Variants in NFATC3 observed in about 807,000 individuals in gnomAD.
The protein encoded by NFATC3 is nuclear factor of activated T-cells, cytoplasmic 3.
A neutral mutation model predicts 98.6 loss-of-function variants in NFATC3; 46 were observed. The ratio of observed to expected loss-of-function variants is 0.47; its 90% confidence interval spans 0.37 to 0.60. The LOEUF is 0.60. Ranked by LOEUF, NFATC3 falls within the 20% of genes least tolerant of loss-of-function variation. The pLI is 0.00. For missense variants in NFATC3, 1,256 were observed against 1,295.5 expected (o/e 0.97, Z 0.47); for synonymous variants, 512 against 472.2 (o/e 1.08, Z -1.09).
At position 68,125,114 on chromosome 16, in the gene NFATC3, A is replaced by T. The variant is rs186198628; in HGVS notation, c.1239-1334A>T. The stretch of plus-strand genomic sequence containing the variant: ...AATTATGGTAATGAAGACACCTTTG[A>T]ACCCATCCCTTTGCTTCTGAAATTT... On this transcript the variant is annotated intron_variant, in intron 2 of 9. Transcript: ENST00000346183. Among the ~76,000 whole-genome samples the T allele has an allele frequency of 7.9e-5, 12 of 152,368 alleles. No individual in the cohort carries two copies. The East Asian group carries it at 2.3e-3, about 29-fold the overall frequency.
At chr16:68,213,087 C>T (rs2041483664) in intron 9 of NFATC3, among the ~76,000 whole-genome samples, 1 of 150,248 alleles carries the variant, frequency 6.7e-6, no homozygotes, top group Non-Finnish European at 1.5e-5. Context: ...GTGTGAGCCA[C>T]CATGCCCGGC....
At position 68,191,624 on chromosome 16, in the gene NFATC3, T is replaced by G. The variant is rs2040415565; in HGVS notation, c.2955T>G (p.Gly985=). The G allele has an allele frequency of 1.2e-6, 2 of 1,613,530 alleles. No homozygotes were observed. The highest frequency in any genetic ancestry group is 4.5e-5 in the East Asian group (2 of 44,844). The change falls in exon 9 of 10, where the codon GGT becomes GGG. Residue 985 remains glycine, a synonymous_variant. Transcript: ENST00000346183. ...AAGCACAAAGTACGGGCCAGGGGGGTCTTTCTGCACCTTCATCCTTAATAT... is the reference window on the plus strand; with the variant it reads ...AAGCACAAAGTACGGGCCAGGGGGGGCTTTCTGCACCTTCATCCTTAATAT... ...STQAQSTGQG[G]LSAPSSLICH...
intron 9 of NFATC3, among the ~76,000 whole-genome samples, chr16:68,199,634 G>T (rs932214858): frequency 1.3e-5 from 2 of 150,838 alleles, no homozygotes; most frequent in Non-Finnish European, 2.9e-5. Context: ...TGTCGCCCAG[G>T]CTGGAGTGCA....
intron 1 of NFATC3, among the ~76,000 whole-genome samples, chr16:68,120,529 A>G (rs2036514690): frequency 6.6e-6 from 1 of 150,636 alleles, no homozygotes; most frequent in African/African-American, 2.5e-5. Flanking sequence ...CAGTGAGCCA[A>G]GATCGCACCA....
intron 9 of NFATC3, among the ~76,000 whole-genome samples, chr16:68,192,756 AGGAGGCTGAGGTG>A (rs2040498928): frequency 6.6e-6 from 1 of 152,058 alleles, no homozygotes; most frequent in Non-Finnish European, 1.5e-5. Flanking sequence ...CTAGCTAGCC[AGGAGGCTGAGGTG>A]GGAGGATCAC....
chr16:68,220,375 A>C (rs756160362), intron 9 of NFATC3, among the ~76,000 whole-genome samples: 1 of 152,052 alleles, frequency 6.6e-6, no homozygotes, highest in Non-Finnish European at 1.5e-5. Context: ...AAATACAAAA[A>C]TTAGCTGGGT....
intron 9 of NFATC3, among the ~76,000 whole-genome samples, chr16:68,207,171 A>C (rs975714307): frequency 2.0e-5 from 3 of 150,698 alleles, no homozygotes; most frequent in Non-Finnish European, 4.4e-5. Flanking sequence ...TTAGTTGGGC[A>C]TGGTGGTGGG....
At chr16:68,133,968 A>G (rs767281251) in intron 3 of NFATC3, among the ~76,000 whole-genome samples, 20 of 152,196 alleles carry the variant, frequency 1.3e-4, no homozygotes, top group Non-Finnish European at 2.1e-4. Flanking sequence ...GATTTTCCAA[A>G]GTGGCTGTGC....
chr16:68,207,194 C>G (rs2041183048), intron 9 of NFATC3, among the ~76,000 whole-genome samples: 3 of 151,406 alleles, frequency 2.0e-5, no homozygotes, highest in African/African-American at 7.3e-5. Flanking sequence ...CCTGTAATCT[C>G]AGCTACTCGG....
chr16:68,110,616 AT>A (rs111337363), intron 1 of NFATC3, among the ~76,000 whole-genome samples: 19,429 of 147,186 alleles, frequency 0.13, 1,344 homozygotes, highest in South Asian at 0.2. Flanking sequence ...GCCCAGCCTG[AT>A]TTTTTTTTTT....
intron 5 of NFATC3, among the ~76,000 whole-genome samples, chr16:68,168,000 G>A (rs1372516607): frequency 6.7e-6 from 1 of 150,088 alleles, no homozygotes; most frequent in East Asian, 2.0e-4. Flanking sequence ...ATCTGGCTAA[G>A]TTTTTGTATT....
At chr16:68,118,732 C>A (rs976587152) in intron 1 of NFATC3, among the ~76,000 whole-genome samples, 2 of 152,200 alleles carry the variant, frequency 1.3e-5, no homozygotes, top group Admixed American at 6.5e-5. Context: ...GACATTTCCA[C>A]TTGGAAAGCT....
Position 68,197,318 on chromosome 16 carries a change from C to G in NFATC3, c.3106+5543C>G, listed in dbSNP as rs181312819. Among the ~76,000 whole-genome samples, 242 of 152,280 alleles carry G rather than the reference C, an allele frequency of 1.6e-3. 2 individuals are homozygous for G. The highest frequency in any genetic ancestry group is 5.1e-3 in the African/African-American group (213 of 41,566). On this transcript the variant is annotated intron_variant, in intron 9 of 9. Transcript: ENST00000346183. ...TTATTCTTGAAGATGGCATCTCACT[C>G]TGTCACCCAGGCTGGAGTGCAGTGC...
At chr16:68,150,453 A>T (rs1199197182) in intron 3 of NFATC3, among the ~76,000 whole-genome samples, 4 of 148,616 alleles carry the variant, frequency 2.7e-5, no homozygotes, top group African/African-American at 1.0e-4. Context: ...TTGGTGGCAC[A>T]CTCCTGATGT....
chr16:68,142,237 A>G (rs1015364111), intron 3 of NFATC3, among the ~76,000 whole-genome samples: 4 of 151,906 alleles, frequency 2.6e-5, no homozygotes, highest in Non-Finnish European at 4.4e-5. Context: ...TGTTTGTGTC[A>G]TCTATGATTT....
chr16:68,134,067 A>T (rs1299417790), intron 3 of NFATC3, among the ~76,000 whole-genome samples: 3 of 152,156 alleles, frequency 2.0e-5, no homozygotes, highest in Non-Finnish European at 4.4e-5. Context: ...TTTAATTTTA[A>T]CTATTATTGT....
At chr16:68,099,613 TAATA>T (rs533289501) in intron 1 of NFATC3, among the ~76,000 whole-genome samples, 87 of 150,362 alleles carry the variant, frequency 5.8e-4, no homozygotes, top group Non-Finnish European at 9.8e-4. Flanking sequence ...AATAAAATAA[TAATA>T]ATAATAATAA....
chr16:68,092,838 G>A (rs552840853), intron 1 of NFATC3, among the ~76,000 whole-genome samples: 26 of 152,152 alleles, frequency 1.7e-4, no homozygotes, highest in Non-Finnish European at 3.1e-4. Flanking sequence ...TTAGCTTATT[G>A]CTATCCTTTT....
At chr16:68,214,079 C>T (rs1164355652) in intron 9 of NFATC3, among the ~76,000 whole-genome samples, 1 of 152,010 alleles carries the variant, frequency 6.6e-6, no homozygotes, top group East Asian at 1.9e-4. Flanking sequence ...CACTGAAAAC[C>T]ATAATTGTAA....
Sources: allele counts gnomAD v4.1 joint callset (sites outside exome capture counted in the v4.1 genomes callset), GRCh38; gene constraint gnomAD v4.1.1; transcripts MANE v1.5; gene names NCBI Gene and HGNC (gene_info 2026-07-23, HGNC 2026-07-21).